The following EYS variants were observed in gnomAD, a reference collection of about 807,000 sequenced individuals.
EYS encodes protein eyes shut homolog.
EYS carries 250 observed loss-of-function variants against 282.1 expected under a neutral mutation model. That is an observed-to-expected ratio of 0.89 (90% CI 0.80 to 0.98). The LOEUF is 0.98. Ranked by LOEUF, EYS falls within the 50% of genes least tolerant of loss-of-function variation. The pLI is 0.00. For synonymous variants in EYS, 1,355 were observed against 1,282.9 expected, an observed-to-expected ratio of 1.06 and a Z score of -1.20; for missense variants, 4,016 against 3,709.0, an observed-to-expected ratio of 1.08 and a Z score of -2.15.
At chr6:65,672,613 A>G (rs919628185) in intron 1 of EYS, among the ~76,000 whole-genome samples, 3 of 152,166 alleles carry the variant, frequency 2.0e-5, no homozygotes, top group Admixed American at 2.0e-4. Flanking sequence ...TGAGCCAAGC[A>G]AAGTATCAAA....
chr6:65,510,810 T>C (rs1766839662), intron 2 of EYS, among the ~76,000 whole-genome samples: 1 of 152,204 alleles, frequency 6.6e-6, no homozygotes, highest in Non-Finnish European at 1.5e-5. Flanking sequence ...AGAAATTTGT[T>C]ATTTAATTCT....
At chr6:64,813,861 A>G (rs920354329) in intron 21 of EYS, among the ~76,000 whole-genome samples, 11 of 152,086 alleles carry the variant, frequency 7.2e-5, no homozygotes, top group African/African-American at 2.2e-4. Flanking sequence ...CCTGCCCCCA[A>G]TAATGGTGCT....
intron 24 of EYS, among the ~76,000 whole-genome samples, chr6:64,612,498 C>T (rs868375755): frequency 5.9e-5 from 9 of 152,134 alleles, no homozygotes; most frequent in Admixed American, 3.3e-4. Context: ...TTTTACAGAA[C>T]ATTTGAATTT....
intron 2 of EYS, among the ~76,000 whole-genome samples, chr6:65,553,375 G>T (rs183269266): frequency 3.0e-4 from 46 of 152,228 alleles, no homozygotes; most frequent in Admixed American, 1.3e-3. Flanking sequence ...AAAGGAAAAT[G>T]TAAAACTGTA....
intron 26 of EYS, among the ~76,000 whole-genome samples, chr6:64,535,345 T>G (rs143267406): frequency 9.5e-4 from 144 of 152,356 alleles, no homozygotes; most frequent in African/African-American, 3.3e-3. Flanking sequence ...AATCTCATTA[T>G]GTCAAACCAG....
chr6:64,357,374 G>T (rs1771858097), intron 29 of EYS, among the ~76,000 whole-genome samples: 1 of 151,596 alleles, frequency 6.6e-6, no homozygotes, highest in African/African-American at 2.4e-5. Context: ...CAAATAAATT[G>T]AGTTGATAGA....
At chr6:64,531,678 G>A (rs917658758) in intron 26 of EYS, among the ~76,000 whole-genome samples, 2 of 150,630 alleles carry the variant, frequency 1.3e-5, no homozygotes, top group Non-Finnish European at 3.0e-5. Flanking sequence ...TGATCCACCC[G>A]CCTCAGCCTC....
intron 30 of EYS, among the ~76,000 whole-genome samples, chr6:64,296,590 ATATATATAT>A (rs1561913853): frequency 8.6e-4 from 4 of 4,658 alleles, no homozygotes; most frequent in Admixed American, 2.2e-3. Flanking sequence ...ATATACATAT[ATATATATAT>A]TTTTTTTTTT....
intron 5 of EYS, among the ~76,000 whole-genome samples, chr6:65,474,332 G>T (rs766505396): frequency 6.6e-6 from 1 of 152,034 alleles, no homozygotes; most frequent in African/African-American, 2.4e-5. Context: ...AAAAAAGAAC[G>T]TGTGGTGTGG....
chr6:65,061,555 T>G (rs1773574419), intron 12 of EYS, among the ~76,000 whole-genome samples: 2 of 151,916 alleles, frequency 1.3e-5, no homozygotes, highest in African/African-American at 4.8e-5. Flanking sequence ...GACACTTCAT[T>G]TTAAAATAAG....
intron 26 of EYS, among the ~76,000 whole-genome samples, chr6:64,578,724 A>G (rs1765968021): frequency 6.6e-6 from 1 of 151,974 alleles, no homozygotes; most frequent in Admixed American, 6.6e-5. Flanking sequence ...CTTGTTTAGC[A>G]ATGTATCACT....
intron 12 of EYS, among the ~76,000 whole-genome samples, chr6:65,062,849 CT>C (rs200280182): frequency 0.018 from 2,793 of 152,022 alleles, 30 homozygotes; most frequent in South Asian, 0.025. Flanking sequence ...TTTTACTTTG[CT>C]TTATAAAACT....
intron 31 of EYS, among the ~76,000 whole-genome samples, chr6:64,152,504 C>G (rs1352767904): frequency 6.6e-6 from 1 of 152,138 alleles, no homozygotes; most frequent in Non-Finnish European, 1.5e-5. Context: ...AATTTTCTAT[C>G]CTGATCCCTC....
At chr6:65,656,438 G>C (rs1602235) in intron 1 of EYS, among the ~76,000 whole-genome samples, 1 of 151,844 alleles carries the variant, frequency 6.6e-6, no homozygotes, top group East Asian at 1.9e-4. Context: ...TTCAGTGAAC[G>C]TATGAATGAT....
rs377115312 is a variant in EYS at position 64,567,150 on chromosome 6, GA to G, written c.5644+23072del. Reference sequence around the variant, plus strand: ...TTATTTTTTTAAGCTAGGACTAAAAGAAAAAAAAAAATTCCTACCAAAAATG... The same window carrying G: ...TTATTTTTTTAAGCTAGGACTAAAAGAAAAAAAAAATTCCTACCAAAAATG... On this transcript the variant is annotated intron_variant, in intron 26 of 42. Transcript: ENST00000503581. Among the ~76,000 whole-genome samples the G allele has an allele frequency of 9.0e-3, 1,295 of 144,150 alleles. 7 individuals are homozygous for G. The highest frequency in any genetic ancestry group is 0.032 in the Middle Eastern group (9 of 282). The allele number at this position is 144,150 out of a possible 152,430, so 94.6% of individuals were successfully genotyped here. A position where few individuals can be genotyped will look rare whatever the true frequency, so the allele number is the denominator to read the frequency against.
intron 31 of EYS, among the ~76,000 whole-genome samples, chr6:64,097,963 A>G (rs989639109): frequency 1.1e-4 from 16 of 152,236 alleles, no homozygotes; most frequent in Non-Finnish European, 2.2e-4. Flanking sequence ...ACAAATTTCA[A>G]TCACTATTAG....
chr6:65,115,413 C>A lies in EYS; in HGVS notation c.2024-57686G>T, dbSNP rs575524968. Among the ~76,000 whole-genome samples the A allele has an allele frequency of 3.3e-5, 5 of 152,096 alleles. No homozygotes were observed. In the South Asian group the frequency reaches 1.0e-3, roughly 32 times the overall value. ...CTGTATGCTTTTGCTCATGTCCCCA[C>A]TTCCTGAAATTATCTTTTAATCTTG... On this transcript the variant is annotated intron_variant, in intron 12 of 42. Coordinates refer to ENST00000503581, the MANE Select transcript of EYS (RefSeq NM_001142800.2).
Position 65,334,993 on chromosome 6 carries a change from TTTCATCTTTACAAACAGC to T in EYS, c.1735_1752del (p.Ala579_Glu584del). 1 of 1,609,416 alleles carries T rather than the reference TTTCATCTTTACAAACAGC, an allele frequency of 6.2e-7. No homozygotes were observed. Among genetic ancestry groups the T allele is most frequent in the Non-Finnish European group, 8.5e-7 (1 of 1,177,028 alleles). ...ATACATAAATACCTGGGTCTATTAATTTCATCTTTACAAACAGCTTCATGTTGACACTCATTTTCTTGA... is the reference window on the plus strand; with the variant it reads ...ATACATAAATACCTGGGTCTATTAATTTCATGTTGACACTCATTTTCTTGA... On this transcript the variant is annotated inframe_deletion, in exon 11 of 43. Coordinates refer to ENST00000503581, the MANE Select transcript of EYS (RefSeq NM_001142800.2).
At chr6:65,044,806 G>C (rs1470939165) in intron 13 of EYS, among the ~76,000 whole-genome samples, 1 of 151,624 alleles carries the variant, frequency 6.6e-6, no homozygotes, top group Non-Finnish European at 1.5e-5. Flanking sequence ...TTGTATTTTG[G>C]TACCCTTCCT....
Sources: gnomAD v4.1 joint callset for allele counts (sites outside exome capture counted in the v4.1 genomes callset) on GRCh38, gnomAD v4.1.1 for gene constraint, MANE v1.5 for transcripts, NCBI Gene and HGNC (gene_info 2026-07-23, HGNC 2026-07-21) for gene names.